The following SCIN variants were observed in gnomAD, a reference collection of about 807,000 sequenced individuals.
SCIN encodes adseverin.
A neutral mutation model predicts 91.8 loss-of-function variants in SCIN; 91 were observed. That is an observed-to-expected ratio of 0.99 (90% confidence interval 0.84 to 1.18). The LOEUF (loss-of-function observed/expected upper bound fraction) is 1.18. SCIN is among the 50% of genes most tolerant of loss of function. The probability of loss-of-function intolerance (pLI) is 0.00; values close to 1 mark genes in which losing one functional copy is unlikely to be tolerated. For missense variants in SCIN, 1,087 were observed against 863.9 expected (o/e 1.26, Z -3.24); for synonymous variants, 367 against 312.6 (o/e 1.17, Z -1.84).
chr7:12,629,298 A>T (rs1202663031), intron 9 of SCIN, 76 bp downstream of exon 9: 1 of 1,337,536 alleles, frequency 7.5e-7, no homozygotes, highest in African/African-American at 1.5e-5. Flanking sequence ...TCTATGCATT[A>T]TGGGGTAGAA....
At chr7:12,612,538 T>C (rs557685256) in intron 4 of SCIN, among the ~76,000 whole-genome samples, 3 of 151,994 alleles carry the variant, frequency 2.0e-5, no homozygotes, top group African/African-American at 7.3e-5. Context: ...ACTCCTGAAA[T>C]CCAAAGTATT....
chr7:12,638,844 A>G (rs550523489), intron 10 of SCIN, among the ~76,000 whole-genome samples: 2 of 152,300 alleles, frequency 1.3e-5, no homozygotes, highest in African/African-American at 4.8e-5. Context: ...GAATTCTTTA[A>G]ATGCACTCAA....
chr7:12,584,881 C>T (rs1782556104), intron 3 of SCIN, among the ~76,000 whole-genome samples: 1 of 152,144 alleles, frequency 6.6e-6, no homozygotes, highest in Admixed American at 6.6e-5. Context: ...AGCCCATATT[C>T]TTAAGATTTG....
chr7:12,599,833 GT>G (rs1164045312), intron 3 of SCIN, among the ~76,000 whole-genome samples: 7 of 152,086 alleles, frequency 4.6e-5, no homozygotes, highest in African/African-American at 1.7e-4. Flanking sequence ...AGAACTGTCT[GT>G]TCATGTCCTT....
chr7:12,617,849 C>A (rs1783330920), intron 4 of SCIN, among the ~76,000 whole-genome samples: 1 of 152,036 alleles, frequency 6.6e-6, no homozygotes, highest in South Asian at 2.1e-4. Flanking sequence ...TTTATATCAG[C>A]CCAGATGGTT....
At position 12,651,920 on chromosome 7, in the gene SCIN, C is replaced by G; in HGVS notation, c.2020+19C>G. ...AAGTCTGGTAAGCTCAATCGATGGACCATTATAGCAGTAACCGGGCACCAT... is the reference window on the plus strand; with the variant it reads ...AAGTCTGGTAAGCTCAATCGATGGAGCATTATAGCAGTAACCGGGCACCAT... On this transcript the variant is annotated intron_variant, in intron 15 of 15. Transcript: ENST00000297029. The surrounding 1 kb of genome is among the most constrained non-coding windows in gnomAD (Gnocchi z 5.9). 6.4e-7 allele frequency: 1 copy of G among 1,569,402 alleles called. No individual in the cohort carries two copies. Among genetic ancestry groups the G allele is most frequent in the Non-Finnish European group, 8.7e-7 (1 of 1,143,880 alleles).
intron 3 of SCIN, among the ~76,000 whole-genome samples, chr7:12,584,889 T>A (rs1043791500): frequency 6.6e-6 from 1 of 152,174 alleles, no homozygotes; most frequent in African/African-American, 2.4e-5. Context: ...TTCTTAAGAT[T>A]TGGAGTCTGG....
chr7:12,647,460 G>A (rs77061335), intron 13 of SCIN, among the ~76,000 whole-genome samples: 6,298 of 152,284 alleles, frequency 0.041, 439 homozygotes, highest in African/African-American at 0.14. Context: ...CCCATGTGCT[G>A]TCACTTATCT....
Position 12,619,147 on chromosome 7 carries a change from G to A in SCIN, c.667-3654G>A, listed in dbSNP as rs1189056144. ...TAAATGCCTTTAGGACTTGGCACCA[G>A]CTTGGCACATTTTCATCCACAGTGA... On this transcript the variant is annotated intron_variant, in intron 4 of 15. Coordinates refer to ENST00000297029, the MANE Select transcript of SCIN (RefSeq NM_001112706.3). Among the ~76,000 whole-genome samples, 3 of 152,200 alleles carry A rather than the reference G, an allele frequency of 2.0e-5. No homozygotes were observed. In the East Asian group the frequency reaches 5.8e-4, roughly 29 times the overall value.
intron 3 of SCIN, among the ~76,000 whole-genome samples, chr7:12,604,308 T>C (rs149171212): frequency 6.6e-6 from 1 of 152,288 alleles, no homozygotes; most frequent in Non-Finnish European, 1.5e-5. Flanking sequence ...TATATATATT[T>C]ATATTTTCCA....
rs1055170599 is a variant in SCIN at position 12,604,402 on chromosome 7, C to T, written c.517-112C>T. 3.4e-5 allele frequency: 31 copies of T among 918,440 alleles called. 1 individual carries two copies. Among genetic ancestry groups the T allele is most frequent in the Admixed American group, 3.2e-4 (13 of 40,164 alleles). 56.9% of individuals were successfully genotyped at this position (918,440 alleles called of 1,614,324 possible). ...TGTAACAATTATGTATATACCTCAA[C>T]AATAGGTCATTTAATTTTCCTTTTT... On this transcript the variant is annotated intron_variant, in intron 3 of 15. Transcript: ENST00000297029.
At chr7:12,632,308 T>G (rs1783663166) in intron 9 of SCIN, among the ~76,000 whole-genome samples, 1 of 151,852 alleles carries the variant, frequency 6.6e-6, no homozygotes, top group Admixed American at 6.6e-5. Flanking sequence ...TTTTTGTATT[T>G]TTAGTAGAGA....
At position 12,659,617 on chromosome 7, in the gene SCIN, C is replaced by T. The variant is rs1784226376; in HGVS notation, c.*6902C>T. On this transcript the variant is annotated 3_prime_UTR_variant, in exon 16 of 16. Coordinates refer to ENST00000297029, the MANE Select transcript of SCIN (RefSeq NM_001112706.3). ...TACATAACTTATATACCATATTTAA[C>T]CCAGAGACAGATATCACAGGTAAAC... 1 of 152,464 alleles carries T rather than the reference C, an allele frequency of 6.6e-6. No homozygotes were observed. The highest frequency in any genetic ancestry group is 1.5e-5 in the Non-Finnish European group (1 of 68,234). The allele number at this position is 152,464 out of a possible 1,614,324, so 9.4% of individuals were successfully genotyped here. A position where few individuals can be genotyped will look rare whatever the true frequency, so the allele number is the denominator to read the frequency against.
In SCIN at chr7:12,625,091, G is replaced by A; in HGVS notation, c.841G>A (p.Glu281Lys). ...CTCAATGGCAATGCTGCTGTCTGAAGAATGCTTTATTTTGGACCACGGGGC... is the reference window on the plus strand; with the variant it reads ...CTCAATGGCAATGCTGCTGTCTGAAAAATGCTTTATTTTGGACCACGGGGC... ...PFSMAMLLSE[E>K]CFILDHGAAK... The change falls in exon 6 of 16, where the codon GAA becomes AAA. Residue 281 changes from glutamate (E) to lysine (K), a missense_variant. Physicochemically the swap from Glu to Lys is moderately conservative, Grantham distance 56. Coordinates refer to ENST00000297029, the MANE Select transcript of SCIN (RefSeq NM_001112706.3). The A allele has an allele frequency of 6.2e-7, 1 of 1,607,672 alleles. No individual in the cohort carries two copies. The highest frequency in any genetic ancestry group is 1.1e-5 in the South Asian group (1 of 89,286).
At chr7:12,607,678 TCA>T (rs1583295775) in intron 4 of SCIN, among the ~76,000 whole-genome samples, 1 of 152,336 alleles carries the variant, frequency 6.6e-6, no homozygotes. Flanking sequence ...CTGCTTTCAC[TCA>T]CACAATGAAC....
At chr7:12,574,339 A>C (rs1445835741) in intron 1 of SCIN, among the ~76,000 whole-genome samples, 1 of 152,086 alleles carries the variant, frequency 6.6e-6, no homozygotes, top group Non-Finnish European at 1.5e-5. Context: ...GAAATGACAA[A>C]ATTTTAGATT....
In SCIN at chr7:12,651,331, C is replaced by T. The variant is rs369507149; in HGVS notation, c.1960-510C>T. Among the ~76,000 whole-genome samples the T allele has an allele frequency of 2.9e-4, 44 of 152,258 alleles. No homozygotes were observed. Among genetic ancestry groups the T allele is most frequent in the African/African-American group, 9.9e-4 (41 of 41,546 alleles). ...CCTAGATCCCGAAAAGGGAGGGCCT[C>T]AAAGAAAGTCCGGCTGCACCACTGC... On this transcript the variant is annotated intron_variant, in intron 14 of 15. Coordinates refer to ENST00000297029, the MANE Select transcript of SCIN (RefSeq NM_001112706.3). The surrounding 1 kb of genome is among the most constrained non-coding windows in gnomAD (Gnocchi z 5.9).
At chr7:12,624,698 T>C (rs550509497) in intron 5 of SCIN, among the ~76,000 whole-genome samples, 1 of 152,344 alleles carries the variant, frequency 6.6e-6, no homozygotes, top group African/African-American at 2.4e-5. Context: ...CAGCCATTAT[T>C]ATTATCACTA....
At chr7:12,611,570 G>T (rs947645787) in intron 4 of SCIN, among the ~76,000 whole-genome samples, 2 of 152,044 alleles carry the variant, frequency 1.3e-5, no homozygotes, top group Non-Finnish European at 2.9e-5. Context: ...TTTATTTCTG[G>T]GGCGTGACCT....
Sources: gnomAD v4.1 joint callset for allele counts (sites outside exome capture counted in the v4.1 genomes callset) on GRCh38, gnomAD v4.1.1 for gene constraint, Gnocchi (gnomAD v3.1) non-coding constraint, MANE v1.5 for transcripts, NCBI Gene and HGNC (gene_info 2026-07-23, HGNC 2026-07-21) for gene names.